The following TAFA1 variants were observed in gnomAD, a reference collection of about 807,000 sequenced individuals.
TAFA1 encodes the protein chemokine-like protein TAFA-1.
In TAFA1, 4 loss-of-function variants were observed where a neutral mutation model predicts 18.5. The observed-to-expected ratio is 0.22, with a 90% CI of 0.11 to 0.49. The LOEUF is 0.49. Among genes scored for constraint, TAFA1 ranks in the 20% least tolerant of loss-of-function variants. The pLI is 0.98. For missense variants in TAFA1, 147 were observed against 169.0 expected (o/e 0.87, Z 0.72); for synonymous variants, 56 against 55.2 (o/e 1.01, Z -0.06).
At chr3:68,480,018 C>T (rs143323452) in intron 3 of TAFA1, among the ~76,000 whole-genome samples, 126 of 152,150 alleles carry the variant, frequency 8.3e-4, no homozygotes, top group African/African-American at 2.2e-3. Flanking sequence ...TAATGAAATA[C>T]GTGGCCTAAA....
intron 2 of TAFA1, among the ~76,000 whole-genome samples, chr3:68,181,776 G>A (rs765430054): frequency 1.1e-4 from 17 of 152,170 alleles, no homozygotes; most frequent in African/African-American, 3.1e-4. Flanking sequence ...AGCACACATC[G>A]AAAGGAAAAG....
chr3:68,248,431 T>C (rs2067127314), intron 2 of TAFA1, among the ~76,000 whole-genome samples: 1 of 151,846 alleles, frequency 6.6e-6, no homozygotes, highest in African/African-American at 2.4e-5. Flanking sequence ...AGAAATAAAA[T>C]TATTGAGAAA....
At chr3:68,155,757 C>T (rs916708682) in intron 2 of TAFA1, among the ~76,000 whole-genome samples, 1 of 152,152 alleles carries the variant, frequency 6.6e-6, no homozygotes, top group Non-Finnish European at 1.5e-5. Context: ...AAAGAAAATA[C>T]TGATGGAAAT....
intron 2 of TAFA1, among the ~76,000 whole-genome samples, chr3:68,121,162 G>T (rs2065393420): frequency 6.6e-6 from 1 of 151,700 alleles, no homozygotes; most frequent in Non-Finnish European, 1.5e-5. Context: ...ATGTTTCAAT[G>T]CAGGCTGAAA....
At chr3:68,030,248 C>A (rs1704903198) in intron 2 of TAFA1, among the ~76,000 whole-genome samples, 1 of 151,952 alleles carries the variant, frequency 6.6e-6, no homozygotes, top group Non-Finnish European at 1.5e-5. Flanking sequence ...TTTCTTTTCA[C>A]CAGCACACAC....
chr3:68,082,890 A>C (rs2064922646), intron 2 of TAFA1, among the ~76,000 whole-genome samples: 1 of 152,204 alleles, frequency 6.6e-6, no homozygotes, highest in South Asian at 2.1e-4. Context: ...TAATTATGCT[A>C]TTTGACATTG....
At position 68,498,247 on chromosome 3, in the gene TAFA1, T is replaced by C. The variant is rs79878955; in HGVS notation, c.260-40509T>C. On this transcript the variant is annotated intron_variant, in intron 3 of 4. Coordinates refer to ENST00000478136, the MANE Select transcript of TAFA1 (RefSeq NM_213609.4). ...TGAAAAGTGTGAAAAGTATTTATAA[T>C]AGCACCTGGAATGGAGAAAGTCCTC... Among the ~76,000 whole-genome samples, 778 of 152,306 alleles carry C rather than the reference T, an allele frequency of 5.1e-3. 8 individuals carry two copies. In the East Asian group the frequency reaches 0.062, roughly 12 times the overall value.
chr3:68,459,328 G>C (rs1328310705), intron 3 of TAFA1, among the ~76,000 whole-genome samples: 1 of 152,150 alleles, frequency 6.6e-6, no homozygotes, highest in Admixed American at 6.5e-5. Context: ...TTTTAAAATA[G>C]TAGACAGGTT....
chr3:68,322,778 A>C (rs2068715153), intron 2 of TAFA1, among the ~76,000 whole-genome samples: 1 of 152,082 alleles, frequency 6.6e-6, no homozygotes, highest in East Asian at 1.9e-4. Flanking sequence ...CCCCATTTCT[A>C]CTAAAAATAC....
chr3:68,260,230 T>A (rs2067386952), intron 2 of TAFA1, among the ~76,000 whole-genome samples: 1 of 152,190 alleles, frequency 6.6e-6, no homozygotes. Context: ...GTTTATATGC[T>A]GGATTACATT....
chr3:68,125,035 G>C (rs1256916328), intron 2 of TAFA1, among the ~76,000 whole-genome samples: 1 of 152,204 alleles, frequency 6.6e-6, no homozygotes, highest in Non-Finnish European at 1.5e-5. Flanking sequence ...GCTCGAAATA[G>C]ACATGAAAAG....
At chr3:68,092,917 A>G (rs1342441392) in intron 2 of TAFA1, among the ~76,000 whole-genome samples, 1 of 152,184 alleles carries the variant, frequency 6.6e-6, no homozygotes, top group Non-Finnish European at 1.5e-5. Flanking sequence ...CTGCTGAACA[A>G]GGCTGGCTGG....
chr3:68,358,891 C>CATCAGT (rs1559632367), intron 2 of TAFA1, among the ~76,000 whole-genome samples: 2 of 151,300 alleles, frequency 1.3e-5, no homozygotes, highest in Non-Finnish European at 3.0e-5. Flanking sequence ...CTGTTTCCAG[C>CATCAGT]CTACCTAAGA....
chr3:68,116,005 C>G (rs1261926681), intron 2 of TAFA1, among the ~76,000 whole-genome samples: 1 of 152,094 alleles, frequency 6.6e-6, no homozygotes, highest in Non-Finnish European at 1.5e-5. Flanking sequence ...GCCTGTAATC[C>G]CAGCACTTTG....
At chr3:68,374,447 C>T (rs1265784364) in intron 2 of TAFA1, among the ~76,000 whole-genome samples, 1 of 152,092 alleles carries the variant, frequency 6.6e-6, no homozygotes, top group Admixed American at 6.6e-5. Flanking sequence ...TCTATATATA[C>T]TGATACAAAG....
chr3:68,081,247 C>T (rs1384294462), intron 2 of TAFA1, among the ~76,000 whole-genome samples: 1 of 151,982 alleles, frequency 6.6e-6, no homozygotes, highest in Non-Finnish European at 1.5e-5. Flanking sequence ...ACTTCTTTGC[C>T]TTTGGTTTGA....
intron 2 of TAFA1, among the ~76,000 whole-genome samples, chr3:68,021,729 G>A (rs1704694527): frequency 6.6e-6 from 1 of 152,134 alleles, no homozygotes; most frequent in East Asian, 1.9e-4. Flanking sequence ...GTTATCAGTA[G>A]TCAGTATCTT....
At chr3:68,091,657 G>T (rs1275123528) in intron 2 of TAFA1, among the ~76,000 whole-genome samples, 1 of 152,058 alleles carries the variant, frequency 6.6e-6, no homozygotes, top group Non-Finnish European at 1.5e-5. Flanking sequence ...CACTACAAAT[G>T]AATGAATGAA....
At chr3:68,215,277 G>A (rs2066643285) in intron 2 of TAFA1, among the ~76,000 whole-genome samples, 1 of 152,054 alleles carries the variant, frequency 6.6e-6, no homozygotes, top group South Asian at 2.1e-4. Context: ...GCATAAAAAT[G>A]TGGTGAGAGT....
Sources: gnomAD v4.1 joint callset for allele counts (sites outside exome capture counted in the v4.1 genomes callset) on GRCh38, gnomAD v4.1.1 for gene constraint, MANE v1.5 for transcripts, NCBI Gene and HGNC (gene_info 2026-07-23, HGNC 2026-07-21) for gene names.